Variants in ANKFY1 observed in about 807,000 individuals in gnomAD.
The protein encoded by ANKFY1 is ankyrin repeat and FYVE domain containing 1.
Under a neutral mutation model 128.3 loss-of-function variants are expected in ANKFY1, and 47 were observed. The observed-to-expected ratio is 0.37, with a 90% CI of 0.29 to 0.47. The LOEUF (loss-of-function observed/expected upper bound fraction) is 0.47, where lower values mean the gene tolerates loss of function less well. Ranked by LOEUF, ANKFY1 falls within the 20% of genes least tolerant of loss-of-function variation. The pLI is 1.00. For synonymous variants in ANKFY1, 553 were observed against 601.6 expected (o/e 0.92, Z 1.18); for missense variants, 1,222 against 1,510.6 (o/e 0.81, Z 3.17).
chr17:4,186,999 T>G, intron 11 of ANKFY1: 1 of 1,219,354 alleles, frequency 8.2e-7, no homozygotes, highest in Non-Finnish European at 1.0e-6. Flanking sequence ...CCGCAACTGT[T>G]TTTTTTAAAT....
Position 4,202,675 on chromosome 17 carries a change from C to T in ANKFY1, c.898+3646G>A, listed in dbSNP as rs376997958. On this transcript the variant is annotated intron_variant, in intron 7 of 24. Transcript: ENST00000341657. ...TTGTGCCACTGCACTTCAGCCTGGG[C>T]GACAGAGCGAAACTCCGTCTCAAAA... Among the ~76,000 whole-genome samples, 352 of 114,828 alleles carry T rather than the reference C, an allele frequency of 3.1e-3. 1 individual carries two copies. Among genetic ancestry groups the T allele is most frequent in the African/African-American group, 0.012 (335 of 29,124 alleles). The allele number at this position is 114,828 out of a possible 152,430, so 75.3% of individuals were successfully genotyped here.
chr17:4,213,073 C>T (rs2060162961), intron 4 of ANKFY1, among the ~76,000 whole-genome samples: 1 of 152,160 alleles, frequency 6.6e-6, no homozygotes, highest in Admixed American at 6.5e-5. Context: ...CCGCACCCCA[C>T]CTCACAACAC....
chr17:4,211,554 A>C (rs968756085), intron 4 of ANKFY1, among the ~76,000 whole-genome samples: 1 of 152,158 alleles, frequency 6.6e-6, no homozygotes, highest in African/African-American at 2.4e-5. Flanking sequence ...AATAAAAACA[A>C]GACTCTTTCA....
At chr17:4,227,109 G>A (rs1207787161) in intron 3 of ANKFY1, among the ~76,000 whole-genome samples, 1 of 152,098 alleles carries the variant, frequency 6.6e-6, no homozygotes, top group African/African-American at 2.4e-5. Flanking sequence ...AGCAAATTCT[G>A]GACTTAGATT....
intron 17 of ANKFY1, chr17:4,179,292 C>A: frequency 1.7e-6 from 1 of 580,566 alleles, no homozygotes; most frequent in East Asian, 3.0e-5. Flanking sequence ...ATGTGTTTCA[C>A]ATCTGCAGTG....
rs570979681 is a variant in ANKFY1, at chr17:4,173,861, C to T, written c.2923+48G>A. On this transcript the variant is annotated intron_variant, in intron 20 of 24. Transcript: ENST00000341657. Reference sequence around the variant, plus strand: ...CCAAGGGTGCACTGCACCCCCACCCCTAGAATGGAGGGATCGTTCAAGCCA... The same window carrying T: ...CCAAGGGTGCACTGCACCCCCACCCTTAGAATGGAGGGATCGTTCAAGCCA... 7 of 1,585,366 alleles carry T rather than the reference C, an allele frequency of 4.4e-6. No homozygotes were observed. In the South Asian group the frequency reaches 5.7e-5, roughly 13 times the overall value.
Position 4,179,771 on chromosome 17 carries a change from C to T in ANKFY1, c.2347G>A (p.Glu783Lys). 1 of 1,614,254 alleles carries T rather than the reference C, an allele frequency of 6.2e-7. No individual in the cohort carries two copies. The part of the protein sequence containing the change: ...PLHLAASWGL[E>K]ETVQCLLEFG... ...TCCAGAAGACACTGTACTGTCTCTT[C>T]CAGCCCCCAAGAGGCTGCCAAATGC... Residue 783 changes from glutamate to lysine, a missense_variant, in exon 17 of 25, where the codon GAA (glutamate) becomes AAA (lysine). Glu to Lys is a moderately conservative substitution (Grantham distance 56, BLOSUM62 1). Coordinates refer to ENST00000341657, the MANE Select transcript of ANKFY1 (RefSeq NM_001330063.2).
chr17:4,194,125 T>TTTTA (rs2059772507), intron 10 of ANKFY1, among the ~76,000 whole-genome samples: 1 of 103,944 alleles, frequency 9.6e-6, no homozygotes, highest in African/African-American at 3.1e-5. Flanking sequence ...TTTTTTTTTT[T>TTTTA]GAGACGGAGT....
At chr17:4,205,741 C>CA (rs11445216) in intron 7 of ANKFY1, among the ~76,000 whole-genome samples, 136,721 of 145,376 alleles carry the variant, frequency 0.94, 64,662 homozygotes, top group South Asian at 1. Context: ...GACTCCGTCT[C>CA]AAAAAAAAAA....
intron 24 of ANKFY1, 137 bp from the exon 25 acceptor site, chr17:4,168,048 C>A: frequency 3.4e-6 from 3 of 883,048 alleles, no homozygotes; most frequent in Non-Finnish European, 5.0e-6. Context: ...CAACTGCCAG[C>A]CCGGTTACCA....
chr17:4,176,702 G>T (rs2059417007), intron 19 of ANKFY1, among the ~76,000 whole-genome samples: 1 of 152,236 alleles, frequency 6.6e-6, no homozygotes, highest in Admixed American at 6.5e-5. Flanking sequence ...TACTTGCTTA[G>T]ATAGCCTCGG....
chr17:4,241,762 CTT>C (rs911044635), intron 2 of ANKFY1, among the ~76,000 whole-genome samples: 2 of 152,040 alleles, frequency 1.3e-5, no homozygotes, highest in African/African-American at 2.4e-5. Context: ...CTCCCGCACT[CTT>C]TGCTGAAGAT....
chr17:4,246,988 C>T (rs1407664216), intron 1 of ANKFY1, among the ~76,000 whole-genome samples: 2 of 151,972 alleles, frequency 1.3e-5, no homozygotes, highest in East Asian at 1.9e-4. Context: ...TAGTGGGCAC[C>T]GGTAGTCCCA....
chr17:4,217,357 A>C (rs1482146312), intron 3 of ANKFY1, among the ~76,000 whole-genome samples: 1 of 152,070 alleles, frequency 6.6e-6, no homozygotes, highest in Non-Finnish European at 1.5e-5. Context: ...GACCAGCCTG[A>C]CCAACATGCT....
At chr17:4,241,413 G>A (rs1967215066) in intron 2 of ANKFY1, among the ~76,000 whole-genome samples, 1 of 151,540 alleles carries the variant, frequency 6.6e-6, no homozygotes. Flanking sequence ...CCGAGTAGCT[G>A]GGACTACAGG....
intron 1 of ANKFY1, among the ~76,000 whole-genome samples, chr17:4,262,946 TTCAG>T (rs1276382480): frequency 6.6e-6 from 1 of 151,942 alleles, no homozygotes; most frequent in African/African-American, 2.4e-5. Context: ...AAGTGATGGG[TTCAG>T]TCAAAGCTCA....
chr17:4,168,363 G>C (rs1455650842), intron 24 of ANKFY1, among the ~76,000 whole-genome samples: 1 of 152,180 alleles, frequency 6.6e-6, no homozygotes, highest in African/African-American at 2.4e-5. Flanking sequence ...TGAGGAATAA[G>C]AATCGCTTGA....
At chr17:4,209,763 C>T (rs1442885118) in intron 5 of ANKFY1, 61 bp downstream of exon 5, 5 of 1,537,546 alleles carry the variant, frequency 3.3e-6, no homozygotes, top group Non-Finnish European at 3.5e-6. Context: ...AACTACGTCC[C>T]CAGCGGCGGT....
chr17:4,247,476 C>T (rs539571542), intron 1 of ANKFY1, among the ~76,000 whole-genome samples: 8 of 152,284 alleles, frequency 5.3e-5, no homozygotes, highest in East Asian at 3.9e-4. Flanking sequence ...CTCCCCCACC[C>T]GGCAGCTTTT....
Sources: gnomAD v4.1 joint callset for allele counts (sites outside exome capture counted in the v4.1 genomes callset) on GRCh38, gnomAD v4.1.1 for gene constraint, MANE v1.5 for transcripts, NCBI Gene and HGNC (gene_info 2026-07-23, HGNC 2026-07-21) for gene names.